The following PTPRD variants were observed in gnomAD, a reference collection of about 807,000 sequenced individuals.
PTPRD encodes the protein receptor-type tyrosine-protein phosphatase delta.
Under a neutral mutation model 214.5 loss-of-function variants are expected in PTPRD, and 34 were observed. That is an observed-to-expected ratio of 0.16 (90% confidence interval 0.12 to 0.21). The LOEUF is 0.21. Ranked by LOEUF, PTPRD falls within the 10% of genes least tolerant of loss-of-function variation. The pLI is 1.00. For synonymous variants in PTPRD, 1,128 were observed against 845.7 expected (o/e 1.33, Z -5.79); for missense variants, 2,545 against 2,398.7 (o/e 1.06, Z -1.27).
chr9:9,630,947 T>C (rs1278712683), intron 7 of PTPRD, among the ~76,000 whole-genome samples: 1 of 151,988 alleles, frequency 6.6e-6, no homozygotes, highest in Non-Finnish European at 1.5e-5. Context: ...AAGGATAAAA[T>C]ACAGGAATAA....
rs145775266 is a variant in PTPRD at position 8,569,164 on chromosome 9, C to T, written c.353-40385G>A. 1.1e-3 allele frequency among the ~76,000 whole-genome samples: 169 copies of T among 152,230 alleles called. 1 individual carries two copies. Among genetic ancestry groups the T allele is most frequent in the African/African-American group, 3.8e-3 (160 of 41,570 alleles). ...ACGTAGGTGAAACTCTCTTTAGATACCCTCTAACAAGGAGGGTACAACTCC... is the reference window on the plus strand; with the variant it reads ...ACGTAGGTGAAACTCTCTTTAGATATCCTCTAACAAGGAGGGTACAACTCC... On this transcript the variant is annotated intron_variant, in intron 14 of 45. Coordinates refer to ENST00000381196, the MANE Select transcript of PTPRD (RefSeq NM_002839.4).
At chr9:8,541,376 T>C (rs1394971214) in intron 14 of PTPRD, among the ~76,000 whole-genome samples, 1 of 152,110 alleles carries the variant, frequency 6.6e-6, no homozygotes, top group Non-Finnish European at 1.5e-5. Flanking sequence ...ACTACAGGCA[T>C]GTGTCACAAT....
At chr9:8,705,067 T>G (rs1396148491) in intron 12 of PTPRD, among the ~76,000 whole-genome samples, 1 of 152,258 alleles carries the variant, frequency 6.6e-6, no homozygotes, top group East Asian at 1.9e-4. Context: ...TATCTGAGCC[T>G]CTCCTTATAT....
At chr9:9,466,700 A>T (rs960913558) in intron 8 of PTPRD, among the ~76,000 whole-genome samples, 1 of 152,200 alleles carries the variant, frequency 6.6e-6, no homozygotes, top group Non-Finnish European at 1.5e-5. Flanking sequence ...CCAAATATTT[A>T]AAATATATTT....
At chr9:9,450,994 C>T (rs1372830415) in intron 8 of PTPRD, among the ~76,000 whole-genome samples, 1 of 149,268 alleles carries the variant, frequency 6.7e-6, no homozygotes, top group Non-Finnish European at 1.5e-5. Flanking sequence ...CACAGACACA[C>T]AGTCAAATAA....
At chr9:9,362,239 C>A (rs1289585782) in intron 9 of PTPRD, among the ~76,000 whole-genome samples, 2 of 151,052 alleles carry the variant, frequency 1.3e-5, no homozygotes, top group Non-Finnish European at 3.0e-5. Context: ...AGTATTTCCT[C>A]AAAAGCTTCC....
chr9:10,278,814 GC>G (rs1564974781), intron 3 of PTPRD, among the ~76,000 whole-genome samples: 1 of 151,318 alleles, frequency 6.6e-6, no homozygotes, highest in Non-Finnish European at 1.5e-5. Context: ...TCGCTCTGTT[GC>G]CCAGGCTGGA....
intron 2 of PTPRD, among the ~76,000 whole-genome samples, chr9:10,591,229 C>A (rs1475047396): frequency 1.3e-5 from 2 of 151,776 alleles, no homozygotes; most frequent in African/African-American, 4.8e-5. Context: ...CTTACTCCAT[C>A]TCTATTTATA....
chr9:9,620,854 T>A (rs2095199747), intron 7 of PTPRD, among the ~76,000 whole-genome samples: 2 of 138,418 alleles, frequency 1.4e-5, no homozygotes. Flanking sequence ...AAATGCAAAT[T>A]GAAAGAGAGG....
intron 9 of PTPRD, among the ~76,000 whole-genome samples, chr9:9,226,481 G>A (rs1419313159): frequency 6.6e-6 from 1 of 151,956 alleles, no homozygotes; most frequent in East Asian, 1.9e-4. Flanking sequence ...AGGGAATTTA[G>A]TGGGTAGTGA....
At chr9:8,913,130 T>TA (rs143600787) in intron 11 of PTPRD, among the ~76,000 whole-genome samples, 6,474 of 151,632 alleles carry the variant, frequency 0.043, 431 homozygotes, top group African/African-American at 0.15. Flanking sequence ...GAATTTTCTT[T>TA]AAAAAAAAAC....
chr9:10,532,402 T>C (rs1256908699), intron 2 of PTPRD: 1 of 151,330 alleles, frequency 6.6e-6, no homozygotes, highest in Non-Finnish European at 1.5e-5. Flanking sequence ...ATATTTCAAA[T>C]ACAAAAAATG....
At chr9:8,475,532 A>G (rs1418278631) in intron 30 of PTPRD, among the ~76,000 whole-genome samples, 1 of 152,082 alleles carries the variant, frequency 6.6e-6, no homozygotes, top group Non-Finnish European at 1.5e-5. Flanking sequence ...TTCCAGACTC[A>G]TATCTTTAGC....
intron 3 of PTPRD, among the ~76,000 whole-genome samples, chr9:10,036,904 A>G (rs2097194366): frequency 6.6e-6 from 1 of 151,624 alleles, no homozygotes; most frequent in Non-Finnish European, 1.5e-5. Context: ...TTATTTATTT[A>G]GATAGCACCT....
At chr9:10,231,241 G>T (rs185642106) in intron 3 of PTPRD, among the ~76,000 whole-genome samples, 1 of 151,386 alleles carries the variant, frequency 6.6e-6, no homozygotes, top group East Asian at 1.9e-4. Context: ...AAGAATATAT[G>T]AAATAATGAA....
intron 7 of PTPRD, among the ~76,000 whole-genome samples, chr9:9,728,295 C>T (rs1321932551): frequency 1.3e-5 from 2 of 152,082 alleles, no homozygotes; most frequent in Non-Finnish European, 2.9e-5. Context: ...ATTTTAGAGG[C>T]TATTAGTGAT....
chr9:10,462,037 A>G (rs2098962763), intron 2 of PTPRD, among the ~76,000 whole-genome samples: 1 of 152,180 alleles, frequency 6.6e-6, no homozygotes, highest in Non-Finnish European at 1.5e-5. Context: ...ATGTAGGTCA[A>G]TCGATACAAA....
chr9:9,973,608 C>A (rs1218334057), intron 4 of PTPRD, among the ~76,000 whole-genome samples: 1 of 152,164 alleles, frequency 6.6e-6, no homozygotes, highest in East Asian at 1.9e-4. Context: ...AAGGAAGAAG[C>A]TGCATTCTCT....
At chr9:8,525,251 G>A (rs2073792027) in intron 17 of PTPRD, 1 of 679,294 alleles carries the variant, frequency 1.5e-6, no homozygotes, top group Non-Finnish European at 2.6e-6. Context: ...GCTAGCATTA[G>A]AAATCAATAT....
Sources: gnomAD v4.1 joint callset for allele counts (sites outside exome capture counted in the v4.1 genomes callset) on GRCh38, gnomAD v4.1.1 for gene constraint, MANE v1.5 for transcripts, NCBI Gene and HGNC (gene_info 2026-07-23, HGNC 2026-07-21) for gene names.